Variants in VTI1A observed in about 807,000 individuals in gnomAD.
VTI1A encodes the protein vesicle transport through interaction with t-SNAREs 1A.
In VTI1A, 22 loss-of-function variants were observed where a neutral mutation model predicts 34.9. The observed-to-expected ratio is 0.63, with a 90% CI of 0.45 to 0.90. VTI1A has a LOEUF of 0.90. VTI1A is among the 40% of genes least tolerant of loss of function. The pLI is 0.00. For missense variants in VTI1A, 268 were observed against 275.6 expected (o/e 0.97, Z 0.20); for synonymous variants, 87 against 97.3 (o/e 0.89, Z 0.62).
chr10:112,613,635 A>G (rs1845404126), intron 5 of VTI1A, among the ~76,000 whole-genome samples: 1 of 152,210 alleles, frequency 6.6e-6, no homozygotes, highest in Non-Finnish European at 1.5e-5. Flanking sequence ...AGTGTCACAT[A>G]TCCTTAACTG....
At chr10:112,534,641 A>C (rs995185701) in intron 4 of VTI1A, among the ~76,000 whole-genome samples, 8 of 152,120 alleles carry the variant, frequency 5.3e-5, no homozygotes, top group Non-Finnish European at 1.0e-4. Flanking sequence ...ATATAAAATG[A>C]AGGGGAAAAA....
chr10:112,730,774 C>T (rs1175694190), intron 7 of VTI1A, among the ~76,000 whole-genome samples: 2 of 152,044 alleles, frequency 1.3e-5, no homozygotes, highest in Non-Finnish European at 2.9e-5. Flanking sequence ...GCAAAAATGG[C>T]AGCACAGCCT....
intron 3 of VTI1A, among the ~76,000 whole-genome samples, chr10:112,524,412 C>T (rs1475262765): frequency 1.3e-5 from 2 of 152,026 alleles, no homozygotes; most frequent in Non-Finnish European, 2.9e-5. Flanking sequence ...AAAGTCAGTC[C>T]TGTCAGAGAA....
chr10:112,741,698 A>G (rs945887307), intron 7 of VTI1A, among the ~76,000 whole-genome samples: 2 of 152,240 alleles, frequency 1.3e-5, no homozygotes, highest in Non-Finnish European at 2.9e-5. Flanking sequence ...TAAAAATTAT[A>G]CTTAAAATTA....
At chr10:112,596,241 A>G (rs1844638348) in intron 5 of VTI1A, among the ~76,000 whole-genome samples, 1 of 152,130 alleles carries the variant, frequency 6.6e-6, no homozygotes, top group African/African-American at 2.4e-5. Flanking sequence ...GCCGCACACC[A>G]GCATGGCACA....
At chr10:112,496,662 T>C (rs1424501119) in intron 3 of VTI1A, among the ~76,000 whole-genome samples, 1 of 152,210 alleles carries the variant, frequency 6.6e-6, no homozygotes, top group East Asian at 1.9e-4. Flanking sequence ...CTTAAGCAGA[T>C]ATTTATCAGT....
rs73352409 is a variant in VTI1A at position 112,749,965 on chromosome 10, T to C, written c.561-65325T>C. Among the ~76,000 whole-genome samples, 773 of 152,328 alleles carry C rather than the reference T, an allele frequency of 5.1e-3. 6 individuals carry two copies. Among genetic ancestry groups the C allele is most frequent in the African/African-American group, 0.018 (730 of 41,576 alleles). ...CTTACATTGAGTCAAAAGATAATTT[T>C]CAAATATGCTATACACAAAGTATTA... On this transcript the variant is annotated intron_variant, in intron 7 of 7. Transcript: ENST00000393077.
chr10:112,553,439 A>G (rs1189436000), intron 5 of VTI1A, among the ~76,000 whole-genome samples: 2 of 152,270 alleles, frequency 1.3e-5, no homozygotes, highest in African/African-American at 4.8e-5. Flanking sequence ...GTGGTGATCC[A>G]TAAATGTTAG....
At chr10:112,719,382 G>C (rs766577882) in intron 7 of VTI1A, among the ~76,000 whole-genome samples, 22 of 152,022 alleles carry the variant, frequency 1.4e-4, no homozygotes, top group Non-Finnish European at 4.4e-5. Context: ...TGATTAAATG[G>C]AACTGATTCT....
At chr10:112,777,824 C>T (rs964728534) in intron 7 of VTI1A, among the ~76,000 whole-genome samples, 1 of 152,154 alleles carries the variant, frequency 6.6e-6, no homozygotes, top group South Asian at 2.1e-4. Context: ...TGAAAGTGGC[C>T]GGGCACCGTG....
In VTI1A at chr10:112,736,101, ATG is replaced by A. The variant is rs1176258933; in HGVS notation, c.560+67113_560+67114del. 2.1e-3 allele frequency among the ~76,000 whole-genome samples: 265 copies of A among 126,786 alleles called. 3 individuals carry two copies. Among genetic ancestry groups the A allele is most frequent in the Middle Eastern group, 3.9e-3 (1 of 256 alleles). 83.2% of individuals were successfully genotyped at this position (126,786 alleles called of 152,430 possible). On this transcript the variant is annotated intron_variant, in intron 7 of 7. Coordinates refer to ENST00000393077, the MANE Select transcript of VTI1A (RefSeq NM_145206.4). The stretch of plus-strand genomic sequence containing the variant: ...TATATATAGTATATTTTACATATAT[ATG>A]TGTGTGTGTATATATATATATATAT...
intron 7 of VTI1A, among the ~76,000 whole-genome samples, chr10:112,764,800 G>T (rs1851592646): frequency 6.6e-6 from 1 of 152,138 alleles, no homozygotes; most frequent in Admixed American, 6.5e-5. Flanking sequence ...ACCACAATTT[G>T]CTCATACAAA....
chr10:112,736,105 G>GTATATATATATA lies in VTI1A; in HGVS notation c.560+67108_560+67109insATATATATATAT, dbSNP rs1296849590. Among the ~76,000 whole-genome samples, 111 of 90,244 alleles carry GTATATATATATA rather than the reference G, an allele frequency of 1.2e-3. 1 individual carries two copies. Among genetic ancestry groups the GTATATATATATA allele is most frequent in the African/African-American group, 7.5e-3 (100 of 13,392 alleles). The allele number at this position is 90,244 out of a possible 152,430, so 59.2% of individuals were successfully genotyped here. On this transcript the variant is annotated intron_variant, in intron 7 of 7. Coordinates refer to ENST00000393077, the MANE Select transcript of VTI1A (RefSeq NM_145206.4). Reference sequence around the variant, plus strand: ...TATAGTATATTTTACATATATATGTGTGTGTGTATATATATATATATATAT... The same window carrying GTATATATATATA: ...TATAGTATATTTTACATATATATGTGTATATATATATATGTGTGTATATATATATATATATAT...
intron 5 of VTI1A, among the ~76,000 whole-genome samples, chr10:112,553,327 T>C (rs376829051): frequency 6.6e-6 from 1 of 152,252 alleles, no homozygotes; most frequent in East Asian, 1.9e-4. Context: ...CCTTAGCCTT[T>C]CTGAGTCTTA....
intron 7 of VTI1A, among the ~76,000 whole-genome samples, chr10:112,675,197 C>T (rs927784194): frequency 2.6e-5 from 4 of 152,182 alleles, no homozygotes; most frequent in Admixed American, 2.6e-4. Context: ...AGGTAGGTAG[C>T]AGCCACAGTC....
At chr10:112,593,994 C>G (rs1287757043) in intron 5 of VTI1A, among the ~76,000 whole-genome samples, 1 of 152,020 alleles carries the variant, frequency 6.6e-6, no homozygotes, top group Non-Finnish European at 1.5e-5. Context: ...ACTGCAAGCT[C>G]TGTCTCCCGG....
intron 5 of VTI1A, among the ~76,000 whole-genome samples, chr10:112,583,525 T>G (rs753015156): frequency 1.1e-4 from 17 of 152,236 alleles, no homozygotes; most frequent in Admixed American, 9.2e-4. Context: ...ACACACAGAT[T>G]ATGTAAAATA....
rs11196115 is a variant in VTI1A, at chr10:112,808,898, T to A, written c.561-6392T>A. Among the ~76,000 whole-genome samples the A allele has an allele frequency of 7.9e-4, 120 of 152,328 alleles. No individual in the cohort carries two copies. The East Asian group carries it at 0.02, about 26-fold the overall frequency. ...CCTTGGCAGCTCCAGGTTCTCACTG[T>A]CCTGACAGTCAATCTCAGTAAAGAC... On this transcript the variant is annotated intron_variant, in intron 7 of 7. Coordinates refer to ENST00000393077, the MANE Select transcript of VTI1A (RefSeq NM_145206.4).
At chr10:112,664,246 C>G (rs1475101231) in intron 5 of VTI1A, among the ~76,000 whole-genome samples, 1 of 152,124 alleles carries the variant, frequency 6.6e-6, no homozygotes, top group East Asian at 1.9e-4. Context: ...TTGAATGTAT[C>G]AAATGGGACA....
Sources: gnomAD v4.1 joint callset for allele counts (sites outside exome capture counted in the v4.1 genomes callset) on GRCh38, gnomAD v4.1.1 for gene constraint, MANE v1.5 for transcripts, NCBI Gene and HGNC (gene_info 2026-07-23, HGNC 2026-07-21) for gene names.